The following QTMAN variants were observed in gnomAD, a reference collection of about 807,000 sequenced individuals.
QTMAN encodes queuosine-tRNA mannosyltransferase, also known as tRNA-queuosine alpha-mannosyltransferase.
the QTMAN span, among the ~76,000 whole-genome samples, chr2:144,258,410 G>A: frequency 6.6e-6 from 1 of 152,090 alleles, no homozygotes; most frequent in Admixed American, 6.5e-5. Flanking sequence ...ATTCAAGAGA[G>A]ATAAAACATA....
the QTMAN span, among the ~76,000 whole-genome samples, chr2:144,228,711 C>A: frequency 6.6e-6 from 1 of 152,166 alleles, no homozygotes; most frequent in Non-Finnish European, 1.5e-5. Flanking sequence ...GCAATCCCAG[C>A]ACTTTGGGAG....
At chr2:144,005,476 C>T in the QTMAN span, among the ~76,000 whole-genome samples, 1 of 152,026 alleles carries the variant, frequency 6.6e-6, no homozygotes, top group South Asian at 2.1e-4. Context: ...TGACTGCACG[C>T]TAGATTTTCA....
chr2:144,182,209 A>G, the QTMAN span, among the ~76,000 whole-genome samples: 2 of 152,224 alleles, frequency 1.3e-5, no homozygotes, highest in Non-Finnish European at 2.9e-5. Flanking sequence ...TACATTCAAC[A>G]TGCAAAACCA....
At chr2:144,032,419 A>C in the QTMAN span, among the ~76,000 whole-genome samples, 75 of 152,360 alleles carry the variant, frequency 4.9e-4, no homozygotes, top group Non-Finnish European at 9.6e-4. Flanking sequence ...TGCTATTGTT[A>C]AGAATAAACC....
the QTMAN span, chr2:143,941,414 C>T: frequency 2.0e-5 from 3 of 152,298 alleles, no homozygotes; most frequent in African/African-American, 7.2e-5. Flanking sequence ...GTGGCTTACA[C>T]CTGTAATCCC....
At chr2:144,225,388 C>T in the QTMAN span, among the ~76,000 whole-genome samples, 39 of 152,310 alleles carry the variant, frequency 2.6e-4, no homozygotes, top group African/African-American at 9.4e-4. Flanking sequence ...ATCTTCCATT[C>T]TTCCTCTGAA....
the QTMAN span, among the ~76,000 whole-genome samples, chr2:144,252,046 T>C: frequency 1.9e-3 from 296 of 151,890 alleles, no homozygotes; most frequent in Non-Finnish European, 3.7e-3. Context: ...TTTTTTTTAA[T>C]GTGTAACATT....
At chr2:143,947,326 C>T in the QTMAN span, among the ~76,000 whole-genome samples, 17 of 152,210 alleles carry the variant, frequency 1.1e-4, no homozygotes, top group African/African-American at 3.6e-4. Flanking sequence ...TCTAAAGTGT[C>T]GTTGTATTTC....
the QTMAN span, among the ~76,000 whole-genome samples, chr2:143,974,823 T>G: frequency 6.6e-6 from 1 of 152,224 alleles, no homozygotes; most frequent in African/African-American, 2.4e-5. Context: ...TACTAGATTT[T>G]TTTGCTTAGC....
chr2:144,045,526 G>A, the QTMAN span, among the ~76,000 whole-genome samples: 1 of 152,190 alleles, frequency 6.6e-6, no homozygotes, highest in African/African-American at 2.4e-5. Context: ...AGGGAGCAAA[G>A]CAGAAAGTTA....
the QTMAN span, chr2:143,940,253 A>G: frequency 6.6e-6 from 1 of 152,170 alleles, no homozygotes; most frequent in East Asian, 1.9e-4. Flanking sequence ...ATTCAAAGCT[A>G]ATTTGTTCAG....
the QTMAN span, among the ~76,000 whole-genome samples, chr2:144,218,709 G>A: frequency 2.6e-5 from 4 of 152,124 alleles, no homozygotes. Context: ...AGAAATAGCA[G>A]TGTTACTCTA....
At chr2:144,193,203 T>C in the QTMAN span, among the ~76,000 whole-genome samples, 1 of 152,014 alleles carries the variant, frequency 6.6e-6, no homozygotes, top group Non-Finnish European at 1.5e-5. Flanking sequence ...ACTTTCCATA[T>C]TATCTTTTTC....
chr2:143,980,240 T>C, the QTMAN span, among the ~76,000 whole-genome samples: 4 of 152,052 alleles, frequency 2.6e-5, no homozygotes, highest in Non-Finnish European at 5.9e-5. Context: ...CGTGTCCATG[T>C]GTTCTCATTG....
At chr2:144,212,200 C>A in the QTMAN span, among the ~76,000 whole-genome samples, 1 of 152,178 alleles carries the variant, frequency 6.6e-6, no homozygotes, top group Non-Finnish European at 1.5e-5. Flanking sequence ...CGGTGGCTCA[C>A]GCCTGTAATC....
chr2:144,101,991 A>G, the QTMAN span, among the ~76,000 whole-genome samples: 1 of 152,196 alleles, frequency 6.6e-6, no homozygotes, highest in South Asian at 2.1e-4. Flanking sequence ...TTAGTACCTC[A>G]CACTTACTGT....
the QTMAN span, chr2:144,145,441 T>C: frequency 1.8e-6 from 1 of 566,422 alleles, no homozygotes; most frequent in Admixed American, 3.2e-5. Context: ...AAGAATTGTT[T>C]AAATATTTGC....
At chr2:143,991,691 G>A in the QTMAN span, among the ~76,000 whole-genome samples, 3 of 138,754 alleles carry the variant, frequency 2.2e-5, no homozygotes, top group Non-Finnish European at 4.7e-5. Context: ...GGAGGTGGGG[G>A]GTCAGCCCGC....
At chr2:144,317,811 CT>C in the QTMAN span, among the ~76,000 whole-genome samples, 9 of 150,932 alleles carry the variant, frequency 6.0e-5, no homozygotes, top group East Asian at 5.8e-4. Flanking sequence ...CTAAAAGATG[CT>C]TTTTTTTTGC....
Sources: allele counts gnomAD v4.1 joint callset (sites outside exome capture counted in the v4.1 genomes callset), GRCh38; gene constraint gnomAD v4.1.1; transcripts MANE v1.5; gene names NCBI Gene and HGNC (gene_info 2026-07-23, HGNC 2026-07-21).